The following ZC3H12B variants were observed in gnomAD, a reference collection of about 807,000 sequenced individuals.
ZC3H12B encodes zinc finger CCCH-type containing 12B.
In ZC3H12B, 7 loss-of-function variants were observed where a neutral mutation model predicts 43.9. That is an observed-to-expected ratio of 0.16 (90% confidence interval 0.09 to 0.30). ZC3H12B has a LOEUF of 0.30. ZC3H12B is among the 10% of genes least tolerant of loss of function. The pLI, the probability that ZC3H12B is intolerant of heterozygous loss-of-function variation, is 1.00. For synonymous variants in ZC3H12B, 222 were observed against 241.7 expected, an observed-to-expected ratio of 0.92 and a Z score of 0.76; for missense variants, 475 against 670.2, an observed-to-expected ratio of 0.71 and a Z score of 3.22.
chrX:65,293,459 C>T, the ZC3H12B span, among the ~76,000 whole-genome samples: 6 of 109,919 alleles, frequency 5.5e-5, no homozygotes, highest in African/African-American at 1.7e-4. Context: ...TAACACACCC[C>T]GAGAGATCAC....
chrX:65,410,841 C>T (rs2066895647), intron 3 of ZC3H12B, among the ~76,000 whole-genome samples: 1 of 112,250 alleles, frequency 8.9e-6, no homozygotes, highest in African/African-American at 3.2e-5. Context: ...AAAAGGGAAT[C>T]TTTGTACACT....
the ZC3H12B span, among the ~76,000 whole-genome samples, chrX:65,121,062 T>C: frequency 9.0e-6 from 1 of 111,590 alleles, no homozygotes; most frequent in South Asian, 3.8e-4. Flanking sequence ...CAGTATTTTA[T>C]TGAGGATTTT....
At chrX:65,147,501 C>A in the ZC3H12B span, among the ~76,000 whole-genome samples, 1 of 110,809 alleles carries the variant, frequency 9.0e-6, no homozygotes, top group Non-Finnish European at 1.9e-5. Flanking sequence ...TGACCTGATT[C>A]TTTGATGGTC....
At chrX:65,320,301 C>G in the ZC3H12B span, among the ~76,000 whole-genome samples, 1 of 111,173 alleles carries the variant, frequency 9.0e-6, no homozygotes, top group African/African-American at 3.3e-5. Flanking sequence ...TCACAACTTC[C>G]ACAAAAAGAT....
chrX:65,270,095 CTAAG>C, the ZC3H12B span, among the ~76,000 whole-genome samples: 9,061 of 110,892 alleles, frequency 0.082, 1,007 homozygotes, highest in African/African-American at 0.29. Flanking sequence ...GAAAGAAAAT[CTAAG>C]TAGGAGGCAT....
At chrX:65,346,169 C>A in the ZC3H12B span, among the ~76,000 whole-genome samples, 1 of 109,655 alleles carries the variant, frequency 9.1e-6, no homozygotes, top group East Asian at 2.8e-4. Flanking sequence ...CAAAGCAATG[C>A]TAAGCAAAAA....
At chrX:65,234,241 G>A in the ZC3H12B span, among the ~76,000 whole-genome samples, 2 of 112,005 alleles carry the variant, frequency 1.8e-5, no homozygotes, top group Non-Finnish European at 3.8e-5. Context: ...CACATCAACA[G>A]AATAAGGGAC....
the ZC3H12B span, among the ~76,000 whole-genome samples, chrX:65,067,710 TC>T: frequency 8.9e-6 from 1 of 111,899 alleles, no homozygotes; most frequent in East Asian, 2.8e-4. Flanking sequence ...GTTTCATTGA[TC>T]TTTTTTTTTT....
At chrX:65,293,656 T>TA in the ZC3H12B span, among the ~76,000 whole-genome samples, 1 of 106,500 alleles carries the variant, frequency 9.4e-6, no homozygotes, top group Non-Finnish European at 1.9e-5. Flanking sequence ...ATAGCATAAA[T>TA]AAAAAATCAC....
chrX:65,380,607 A>G (rs2066422736), intron 2 of ZC3H12B, among the ~76,000 whole-genome samples: 1 of 111,666 alleles, frequency 9.0e-6, no homozygotes, highest in Non-Finnish European at 1.9e-5. Context: ...ACACATAACA[A>G]TATTAACTTT....
chrX:65,212,484 T>C, the ZC3H12B span, among the ~76,000 whole-genome samples: 2 of 68,968 alleles, frequency 2.9e-5, no homozygotes, highest in African/African-American at 1.2e-4. Context: ...ATAAATAATA[T>C]ATATTATATA....
the ZC3H12B span, among the ~76,000 whole-genome samples, chrX:65,150,170 A>G: frequency 9.1e-6 from 1 of 110,316 alleles, no homozygotes; most frequent in South Asian, 3.9e-4. Context: ...GTTTTACTAT[A>G]TATTATTATT....
chrX:65,175,567 T>C, the ZC3H12B span, among the ~76,000 whole-genome samples: 17 of 112,052 alleles, frequency 1.5e-4, no homozygotes, highest in Non-Finnish European at 3.0e-4. Flanking sequence ...ACAGTCAAAA[T>C]GCAGTCAAAC....
At chrX:65,128,248 G>A in the ZC3H12B span, among the ~76,000 whole-genome samples, 1 of 111,836 alleles carries the variant, frequency 8.9e-6, no homozygotes, top group African/African-American at 3.2e-5. Context: ...TAGTATCTTA[G>A]GAATTTTGAT....
chrX:65,336,667 G>A, the ZC3H12B span, among the ~76,000 whole-genome samples: 3 of 112,175 alleles, frequency 2.7e-5, no homozygotes, highest in African/African-American at 9.7e-5. Context: ...GAGGAAGGGA[G>A]AGAAGCATTG....
chrX:65,171,094 G>GT, the ZC3H12B span, among the ~76,000 whole-genome samples: 490 of 111,580 alleles, frequency 4.4e-3, 1 homozygote, highest in Non-Finnish European at 7.1e-3. Context: ...GAGGAGCTGT[G>GT]TTTTTTTGGA....
At chrX:65,332,753 G>A in the ZC3H12B span, among the ~76,000 whole-genome samples, 2 of 111,357 alleles carry the variant, frequency 1.8e-5, no homozygotes, top group Non-Finnish European at 3.8e-5. Context: ...TTTGAAACCT[G>A]TTATTAGATA....
At chrX:65,430,852 C>A (rs928757829) in intron 3 of ZC3H12B, among the ~76,000 whole-genome samples, 7 of 111,133 alleles carry the variant, frequency 6.3e-5, no homozygotes, top group African/African-American at 2.3e-4. Flanking sequence ...GGGCCATCAC[C>A]CCATCCTGCT....
chrX:65,044,466 G>A, the ZC3H12B span, among the ~76,000 whole-genome samples: 1 of 111,481 alleles, frequency 9.0e-6, no homozygotes, highest in African/African-American at 3.3e-5. Context: ...TATATGATGG[G>A]AAGGCATTGA....
Sources: allele counts gnomAD v4.1 joint callset (sites outside exome capture counted in the v4.1 genomes callset), GRCh38; gene constraint gnomAD v4.1.1; transcripts MANE v1.5; gene names NCBI Gene and HGNC (gene_info 2026-07-23, HGNC 2026-07-21).